GRIA1: variants seen among roughly 807,000 people sequenced by gnomAD.
GRIA1 encodes glutamate ionotropic receptor AMPA type subunit 1, also known as glutamate receptor 1.
In GRIA1, 31 loss-of-function variants were observed where a neutral mutation model predicts 99.2. That is an observed-to-expected ratio of 0.31 (90% CI 0.23 to 0.42). The LOEUF (loss-of-function observed/expected upper bound fraction) is 0.42, where lower values mean the gene tolerates loss of function less well. GRIA1 is among the 10% of genes least tolerant of loss of function. The probability of loss-of-function intolerance (pLI) is 1.00; values close to 1 mark genes in which losing one functional copy is unlikely to be tolerated. For synonymous variants in GRIA1, 438 were observed against 432.4 expected (o/e 1.01, Z -0.16); for missense variants, 782 against 1,157.5 (o/e 0.68, Z 4.71).
chr5:153,661,145 T>A (rs1755342701), intron 5 of GRIA1, among the ~76,000 whole-genome samples: 1 of 152,210 alleles, frequency 6.6e-6, no homozygotes, highest in Admixed American at 6.5e-5. Flanking sequence ...GTCAGCTCCT[T>A]CTGCAAAGCT....
intron 11 of GRIA1, among the ~76,000 whole-genome samples, chr5:153,721,375 C>T (rs1257963363): frequency 6.6e-6 from 1 of 152,092 alleles, no homozygotes; most frequent in African/African-American, 2.4e-5. Context: ...TAAGATATAA[C>T]ACACAAATAA....
At chr5:153,490,617 TG>T, upstream of GRIA1, 1 of 475,772 alleles carries the variant, frequency 2.1e-6, no homozygotes, top group East Asian at 3.9e-5. Flanking sequence ...GGAGAGGGAG[TG>T]GGGGAGCCAG....
At chr5:153,681,061 C>T (rs117853675) in intron 7 of GRIA1, among the ~76,000 whole-genome samples, 2 of 152,310 alleles carry the variant, frequency 1.3e-5, no homozygotes, top group East Asian at 3.9e-4. Context: ...GTTTTGTAGG[C>T]TGCACACGAA....
At chr5:153,650,585 T>G in intron 4 of GRIA1, 71 bp downstream of exon 4, 1 of 1,462,058 alleles carries the variant, frequency 6.8e-7, no homozygotes, top group East Asian at 2.3e-5. Flanking sequence ...CACTTTTGCC[T>G]TGGGTGTTAT....
intron 14 of GRIA1, among the ~76,000 whole-genome samples, chr5:153,800,369 A>C (rs927725973): frequency 6.6e-6 from 1 of 152,240 alleles, no homozygotes; most frequent in Non-Finnish European, 1.5e-5. Flanking sequence ...TGCCTTCTGA[A>C]CAACAAACAG....
chr5:153,707,288 A>G (rs1394266278), intron 11 of GRIA1, among the ~76,000 whole-genome samples: 1 of 151,830 alleles, frequency 6.6e-6, no homozygotes, highest in African/African-American at 2.4e-5. Flanking sequence ...TTATTTTGGG[A>G]AAAAAAAGTG....
At chr5:153,671,220 C>T (rs1002010135) in intron 5 of GRIA1, among the ~76,000 whole-genome samples, 1 of 152,168 alleles carries the variant, frequency 6.6e-6, no homozygotes, top group Non-Finnish European at 1.5e-5. Context: ...GTTGAGGAAA[C>T]TCGGCCATTT....
intron 1 of GRIA1, chr5:153,492,320 T>C: frequency 6.5e-7 from 1 of 1,527,238 alleles, no homozygotes; most frequent in Non-Finnish European, 8.8e-7. Flanking sequence ...TGTACGTATC[T>C]GTGTGTTAGT....
chr5:153,492,562 C>A (rs1754026744), intron 1 of GRIA1, among the ~76,000 whole-genome samples: 2 of 152,104 alleles, frequency 1.3e-5, no homozygotes, highest in African/African-American at 4.8e-5. Flanking sequence ...ATGTGGAAAT[C>A]ACTGGCTCTT....
At chr5:153,795,590 G>T in intron 14 of GRIA1, 1 of 1,568,400 alleles carries the variant, frequency 6.4e-7, no homozygotes, top group Non-Finnish European at 8.8e-7. Flanking sequence ...CCGGAAGTAA[G>T]GTCAGTCACC....
intron 11 of GRIA1, among the ~76,000 whole-genome samples, chr5:153,718,051 AG>A (rs1357577740): frequency 2.6e-5 from 4 of 152,240 alleles, no homozygotes; most frequent in Non-Finnish European, 5.9e-5. Flanking sequence ...GATACAAGAA[AG>A]GAGTCATCAC....
At chr5:153,596,527 G>T (rs1764446334) in intron 2 of GRIA1, among the ~76,000 whole-genome samples, 1 of 152,166 alleles carries the variant, frequency 6.6e-6, no homozygotes, top group African/African-American at 2.4e-5. Flanking sequence ...GGAGGCCCCT[G>T]ATTTTCAGGA....
chr5:153,499,276 C>A (rs1374990955), intron 2 of GRIA1, among the ~76,000 whole-genome samples: 1 of 152,072 alleles, frequency 6.6e-6, no homozygotes, highest in African/African-American at 2.4e-5. Context: ...GTATTTAAAG[C>A]CAGTTTGGGG....
At chr5:153,561,947 C>G (rs1761165726) in intron 2 of GRIA1, among the ~76,000 whole-genome samples, 1 of 152,150 alleles carries the variant, frequency 6.6e-6, no homozygotes, top group Non-Finnish European at 1.5e-5. Flanking sequence ...ATAGAAGAAA[C>G]AGCTGAGTTA....
chr5:153,564,983 T>G (rs1431661275), intron 2 of GRIA1, among the ~76,000 whole-genome samples: 2 of 152,328 alleles, frequency 1.3e-5, no homozygotes, highest in Admixed American at 6.5e-5. Context: ...TGCCCAAGAA[T>G]TTTTACAAGT....
intron 13 of GRIA1, among the ~76,000 whole-genome samples, chr5:153,776,895 C>T (rs954174807): frequency 3.9e-5 from 6 of 152,156 alleles, no homozygotes; most frequent in Non-Finnish European, 8.8e-5. Context: ...TCCAGTAGGC[C>T]TTCCCTGGAA....
At chr5:153,724,536 A>G (rs1294464411) in intron 11 of GRIA1, among the ~76,000 whole-genome samples, 2 of 152,240 alleles carry the variant, frequency 1.3e-5, no homozygotes, top group Non-Finnish European at 2.9e-5. Context: ...AATAACCAAT[A>G]CAGAGAAGTG....
At position 153,792,826 on chromosome 5, in the gene GRIA1, G is replaced by T. The variant is rs147292069; in HGVS notation, c.2271-1795G>T. Among the ~76,000 whole-genome samples, 1,148 of 152,216 alleles carry T rather than the reference G, an allele frequency of 7.5e-3. 18 individuals are homozygous for T. The highest frequency in any genetic ancestry group is 0.027 in the African/African-American group (1,112 of 41,546). On this transcript the variant is annotated intron_variant, in intron 13 of 15. Coordinates refer to ENST00000285900, the MANE Select transcript of GRIA1 (RefSeq NM_000827.4). ...AGAGAGAGGAGTACTGGCCCATAAA[G>T]GTACCTAAAAGACTAAAGAGTGCAT...
At chr5:153,724,080 C>G (rs976691313) in intron 11 of GRIA1, among the ~76,000 whole-genome samples, 3 of 152,192 alleles carry the variant, frequency 2.0e-5, no homozygotes, top group Admixed American at 2.0e-4. Context: ...GCAGCATTTG[C>G]GGTTCACGAA....
Sources: gnomAD v4.1 joint callset for allele counts (sites outside exome capture counted in the v4.1 genomes callset) on GRCh38, gnomAD v4.1.1 for gene constraint, MANE v1.5 for transcripts, NCBI Gene and HGNC (gene_info 2026-07-23, HGNC 2026-07-21) for gene names.